The following PKD1L3 variants were observed in gnomAD, a reference collection of about 807,000 sequenced individuals.
PKD1L3 encodes polycystin 1 like 3, transient receptor potential channel interacting.
Under a neutral mutation model 184.1 loss-of-function variants are expected in PKD1L3, and 239 were observed. The ratio of observed to expected loss-of-function variants is 1.30; its 90% CI spans 1.17 to 1.45. PKD1L3 has a LOEUF of 1.45. Among genes scored for constraint, PKD1L3 ranks in the 40% most tolerant of loss-of-function variants. The pLI is 0.00. For missense variants in PKD1L3, 2,660 were observed against 2,067.2 expected (o/e 1.29, Z -5.56); for synonymous variants, 996 against 778.8 (o/e 1.28, Z -4.64).
chr16:71,967,398 A>G, intron 14 of PKD1L3, 83 bp from the exon 15 acceptor site: 1 of 1,294,178 alleles, frequency 7.7e-7, no homozygotes, highest in Non-Finnish European at 1.0e-6. Context: ...AGACGAAGAC[A>G]TAGAAAACTA....
rs748421161 is a variant in PKD1L3 at position 71,956,543 on chromosome 16, G to C, written c.2613-2242C>G. On this transcript the variant is annotated intron_variant, in intron 16 of 29. Transcript: ENST00000620267. Reference sequence around the variant, plus strand: ...TGCTACAGCATGAATGAACCTTGAGGACATTGTGATAAATGAAATAAGCCA... The same window carrying C: ...TGCTACAGCATGAATGAACCTTGAGCACATTGTGATAAATGAAATAAGCCA... Among the ~76,000 whole-genome samples the C allele has an allele frequency of 3.3e-5, 5 of 152,118 alleles. No individual in the cohort carries two copies. The South Asian group carries it at 8.3e-4, about 25-fold the overall frequency.
chr16:71,957,595 C>T (rs1015043847), intron 16 of PKD1L3, among the ~76,000 whole-genome samples: 7 of 151,844 alleles, frequency 4.6e-5, no homozygotes, highest in Admixed American at 3.9e-4. Flanking sequence ...GTCAGGAGTT[C>T]GAGACCAGCC....
chr16:71,979,891 C>A lies in PKD1L3; in HGVS notation c.1293G>T (p.Pro431=). 6.5e-7 allele frequency: 1 copy of A among 1,549,592 alleles called. No homozygotes were observed. The highest frequency in any genetic ancestry group is 8.7e-7 in the Non-Finnish European group (1 of 1,146,594). ...LLSRQNISTL[P]LSSYTLGHPA... is the part of the protein sequence containing the mutation. ...GGTGACCCAGAGTGTAAGAGCTCAG[C>A]GGTAAAGTTGATATGTTTTGTCTAA... The change falls in exon 9 of 30, where the codon CCG becomes CCT. Residue 431 remains proline (P), a synonymous_variant. Transcript: ENST00000620267.
chr16:71,997,415 C>A (rs942748216), intron 2 of PKD1L3, among the ~76,000 whole-genome samples: 6 of 151,208 alleles, frequency 4.0e-5, no homozygotes, highest in South Asian at 2.1e-4. Flanking sequence ...AACAAGACCC[C>A]CCCCCCCACA....
At chr16:71,953,135 A>G (rs1279962953) in intron 17 of PKD1L3, 42 bp from the exon 18 acceptor site, 1 of 1,392,180 alleles carries the variant, frequency 7.2e-7, no homozygotes, top group African/African-American at 1.5e-5. Context: ...TTCAACAATT[A>G]AAATAATCGC....
intron 24 of PKD1L3, among the ~76,000 whole-genome samples, chr16:71,940,358 C>G (rs7187418): frequency 0.047 from 7,102 of 152,186 alleles, 536 homozygotes; most frequent in African/African-American, 0.16. Flanking sequence ...GATCCCTTCC[C>G]TCAACTTGCT....
rs772995457 is a variant in PKD1L3 at position 71,964,309 on chromosome 16, C to CTTTTTTTT, written c.2466-966_2466-959dup. Among the ~76,000 whole-genome samples the CTTTTTTTT allele has an allele frequency of 1.1e-4, 6 of 56,658 alleles. 1 individual carries two copies. Among genetic ancestry groups the CTTTTTTTT allele is most frequent in the African/African-American group, 2.9e-4 (4 of 13,878 alleles). 37.2% of individuals were successfully genotyped at this position (56,658 alleles called of 152,430 possible). On this transcript the variant is annotated intron_variant, in intron 15 of 29. Coordinates refer to ENST00000620267, the MANE Select transcript of PKD1L3 (RefSeq NM_181536.2). The stretch of plus-strand genomic sequence containing the variant: ...CCACTTAAATTTCTCTCGTCAAAAT[C>CTTTTTTTT]TTTTTTTTTTTTTTTTTTTTTTTTT...
intron 26 of PKD1L3, among the ~76,000 whole-genome samples, chr16:71,934,753 T>C (rs2038116088): frequency 6.6e-6 from 1 of 152,204 alleles, no homozygotes; most frequent in Admixed American, 6.5e-5. Flanking sequence ...CTGCATAAAC[T>C]GCTCTCCATA....
intron 16 of PKD1L3, among the ~76,000 whole-genome samples, chr16:71,961,179 T>G (rs1471289004): frequency 6.6e-6 from 1 of 152,102 alleles, no homozygotes; most frequent in Non-Finnish European, 1.5e-5. Context: ...CAGGCTGGAG[T>G]GCAGTGGCGT....
chr16:71,929,987 G>A, intron 29 of PKD1L3, 65 bp downstream of exon 29: 1 of 1,462,744 alleles, frequency 6.8e-7, no homozygotes, highest in Non-Finnish European at 9.2e-7. Context: ...GTCATCTTAG[G>A]GGCAGTTACA....
chr16:71,998,459 A>G, intron 1 of PKD1L3, 65 bp from the exon 2 acceptor site: 1 of 1,508,036 alleles, frequency 6.6e-7, no homozygotes, highest in South Asian at 1.3e-5. Flanking sequence ...TTTATTTTTT[A>G]TTATTGTTTT....
At chr16:71,999,140 G>C (rs1056361850) in intron 1 of PKD1L3, among the ~76,000 whole-genome samples, 2 of 151,768 alleles carry the variant, frequency 1.3e-5, no homozygotes, top group Non-Finnish European at 2.9e-5. Context: ...GCGTGGTGGC[G>C]GCCACCTGTA....
intron 4 of PKD1L3, among the ~76,000 whole-genome samples, chr16:71,987,164 C>T (rs902689501): frequency 6.6e-6 from 1 of 151,186 alleles, no homozygotes; most frequent in Non-Finnish European, 1.5e-5. Flanking sequence ...ACCTTGTGAT[C>T]CACCCACCTT....
chr16:71,990,178 C>A, intron 4 of PKD1L3, 102 bp downstream of exon 4: 2 of 935,572 alleles, frequency 2.1e-6, no homozygotes, highest in Non-Finnish European at 2.9e-6. Context: ...TATTAGAAAA[C>A]TATATTCAGA....
Position 71,980,108 on chromosome 16 carries a change from C to G in PKD1L3, c.1170G>C (p.Leu390Phe), listed in dbSNP as rs1266937409. The change falls in exon 8 of 30, where the codon TTG becomes TTC. Residue 390 changes from leucine to phenylalanine, a missense_variant. By Grantham distance (22) the Leu-to-Phe change is conservative. Coordinates refer to ENST00000620267, the MANE Select transcript of PKD1L3 (RefSeq NM_181536.2). ...EPVEDILEMS[L>F]VEFGNIGEAF... ...CTTCCCCGATATTCCCAAACTCCAC[C>G]AAGGACATTTCCAGGATGTCTTCTA... is the stretch of plus-strand genomic sequence containing the variant. 1 of 1,551,644 alleles carries G rather than the reference C, an allele frequency of 6.4e-7. No homozygotes were observed. Among genetic ancestry groups the G allele is most frequent in the Non-Finnish European group, 8.7e-7 (1 of 1,146,930 alleles).
chr16:71,957,557 G>T (rs2039094639), intron 16 of PKD1L3, among the ~76,000 whole-genome samples: 8 of 152,096 alleles, frequency 5.3e-5, no homozygotes, highest in Admixed American at 5.2e-4. Flanking sequence ...CAGCACTTTG[G>T]GAGGAGAAGG....
intron 15 of PKD1L3, among the ~76,000 whole-genome samples, 160 bp from the exon 16 acceptor site, chr16:71,963,511 G>C (rs2039367833): frequency 6.6e-5 from 10 of 152,202 alleles, no homozygotes; most frequent in Admixed American, 6.5e-4. Flanking sequence ...GCCAGACATG[G>C]TGATGCACAC....
intron 4 of PKD1L3, among the ~76,000 whole-genome samples, chr16:71,989,471 T>C (rs557485774): frequency 6.6e-6 from 1 of 152,346 alleles, no homozygotes; most frequent in South Asian, 2.1e-4. Flanking sequence ...TTTATACTGT[T>C]AGAAACACTT....
chr16:71,944,974 AC>A (rs2143268594), intron 22 of PKD1L3, among the ~76,000 whole-genome samples: 1 of 151,686 alleles, frequency 6.6e-6, no homozygotes, highest in South Asian at 2.1e-4. Context: ...AAAAATTAAA[AC>A]ATATATTAAA....
Sources: allele counts gnomAD v4.1 joint callset (sites outside exome capture counted in the v4.1 genomes callset), GRCh38; gene constraint gnomAD v4.1.1; transcripts MANE v1.5; gene names NCBI Gene and HGNC (gene_info 2026-07-23, HGNC 2026-07-21).